The following INSYN2B variants were observed in gnomAD, a reference collection of about 807,000 sequenced individuals.
The protein encoded by INSYN2B is protein INSYN2B.
Under a neutral mutation model 41.2 loss-of-function variants are expected in INSYN2B, and 16 were observed. The observed-to-expected ratio is 0.39, with a 90% CI of 0.26 to 0.59. The LOEUF (loss-of-function observed/expected upper bound fraction) is 0.59, where lower values mean the gene tolerates loss of function less well. Ranked by LOEUF, INSYN2B falls within the 20% of genes least tolerant of loss-of-function variation. The probability of loss-of-function intolerance (pLI) is 0.57; values close to 1 mark genes in which losing one functional copy is unlikely to be tolerated. For missense variants in INSYN2B, 608 were observed against 646.4 expected, an observed-to-expected ratio of 0.94 and a Z score of 0.64; for synonymous variants, 245 against 244.4, an observed-to-expected ratio of 1.00 and a Z score of -0.02.
intron 1 of INSYN2B, among the ~76,000 whole-genome samples, chr5:169,927,534 T>C (rs769775557): frequency 2.6e-5 from 4 of 152,178 alleles, no homozygotes; most frequent in Non-Finnish European, 4.4e-5. Flanking sequence ...TAGTAACTGA[T>C]GGAGTGTAGG....
intron 1 of INSYN2B, among the ~76,000 whole-genome samples, chr5:169,947,177 G>A (rs1776484730): frequency 6.6e-6 from 1 of 152,222 alleles, no homozygotes; most frequent in African/African-American, 2.4e-5. Flanking sequence ...ATCAGTGATA[G>A]AGCTGTGATA....
chr5:169,866,883 G>A (rs1454863002), intron 3 of INSYN2B, among the ~76,000 whole-genome samples: 1 of 152,212 alleles, frequency 6.6e-6, no homozygotes, highest in Non-Finnish European at 1.5e-5. Flanking sequence ...GTGGCCACCA[G>A]TTGGGTGTCT....
At chr5:169,947,444 C>A (rs1359237306) in intron 1 of INSYN2B, among the ~76,000 whole-genome samples, 1 of 152,186 alleles carries the variant, frequency 6.6e-6, no homozygotes, top group Non-Finnish European at 1.5e-5. Flanking sequence ...AGGTAGACTT[C>A]ATTAGCCCTG....
intron 1 of INSYN2B, among the ~76,000 whole-genome samples, chr5:169,971,561 T>C (rs1314590998): frequency 1.3e-5 from 2 of 152,164 alleles, no homozygotes; most frequent in Non-Finnish European, 2.9e-5. Context: ...CCTCATAGGA[T>C]TTTTCTCATC....
intron 1 of INSYN2B, among the ~76,000 whole-genome samples, chr5:169,961,710 G>T (rs1467527292): frequency 6.6e-6 from 1 of 152,210 alleles, no homozygotes; most frequent in South Asian, 2.1e-4. Context: ...GGGTGCAGTG[G>T]CTCACGCCCG....
At chr5:169,954,840 A>C (rs2113732660) in intron 1 of INSYN2B, among the ~76,000 whole-genome samples, 1 of 152,362 alleles carries the variant, frequency 6.6e-6, no homozygotes, top group South Asian at 2.1e-4. Context: ...CCCAGGCTGC[A>C]AGTGTGTGTA....
At chr5:169,944,797 C>T (rs986565075) in intron 1 of INSYN2B, among the ~76,000 whole-genome samples, 17 of 152,212 alleles carry the variant, frequency 1.1e-4, no homozygotes, top group African/African-American at 3.1e-4. Flanking sequence ...CTGTGATGAT[C>T]GGAAAGCTGA....
intron 2 of INSYN2B, among the ~76,000 whole-genome samples, chr5:169,881,915 A>G (rs918254731): frequency 1.1e-4 from 17 of 152,218 alleles, no homozygotes; most frequent in Admixed American, 2.6e-4. Flanking sequence ...AGGGACGAGC[A>G]TTTCGCATCT....
intron 1 of INSYN2B, among the ~76,000 whole-genome samples, chr5:169,897,376 A>T (rs1289254190): frequency 6.6e-6 from 1 of 152,068 alleles, no homozygotes; most frequent in African/African-American, 2.4e-5. Context: ...TTTTAAGTAG[A>T]GACAGGATTT....
intron 3 of INSYN2B, among the ~76,000 whole-genome samples, chr5:169,871,819 A>T (rs927576933): frequency 6.6e-6 from 1 of 152,184 alleles, no homozygotes; most frequent in Admixed American, 6.5e-5. Context: ...GGACCAGCTG[A>T]CCAGTCCACC....
Position 169,942,840 on chromosome 5 carries a change from T to C in INSYN2B, c.-919+37437A>G, listed in dbSNP as rs1776296198. 2.0e-5 allele frequency among the ~76,000 whole-genome samples: 3 copies of C among 152,352 alleles called. No individual in the cohort carries two copies. The South Asian group carries it at 6.2e-4, about 32-fold the overall frequency. The stretch of plus-strand genomic sequence containing the variant: ...TCCAAGGCTTGGTCTGAACTCTTCC[T>C]TTCAGCCTTGACCACTGTGTGTGCT... On this transcript the variant is annotated intron_variant, in intron 1 of 3. Transcript: ENST00000377365.
chr5:169,873,288 C>A (rs1162826389), intron 3 of INSYN2B, among the ~76,000 whole-genome samples: 1 of 152,208 alleles, frequency 6.6e-6, no homozygotes, highest in South Asian at 2.1e-4. Flanking sequence ...CCTGTTGGGA[C>A]TCAGAGAAAT....
At chr5:169,923,556 A>G (rs1775289007) in intron 1 of INSYN2B, among the ~76,000 whole-genome samples, 1 of 152,176 alleles carries the variant, frequency 6.6e-6, no homozygotes, top group African/African-American at 2.4e-5. Context: ...CTGTAGGCCC[A>G]TATTCATTCC....
chr5:169,917,570 T>C (rs142521457), intron 1 of INSYN2B, among the ~76,000 whole-genome samples: 131 of 152,236 alleles, frequency 8.6e-4, no homozygotes, highest in African/African-American at 3.1e-3. Flanking sequence ...AAAATGAAAA[T>C]TGAATGTTGT....
At chr5:169,980,016 T>A (rs1033204876) in intron 1 of INSYN2B, among the ~76,000 whole-genome samples, 1 of 152,190 alleles carries the variant, frequency 6.6e-6, no homozygotes, top group African/African-American at 2.4e-5. Context: ...GGTTTGTTTT[T>A]CTTTGCTTTT....
At chr5:169,900,641 AG>A (rs1422080964) in intron 1 of INSYN2B, among the ~76,000 whole-genome samples, 2 of 152,224 alleles carry the variant, frequency 1.3e-5, no homozygotes, top group Non-Finnish European at 2.9e-5. Flanking sequence ...ACTTCTAATT[AG>A]AAGCTTCGAT....
chr5:169,941,279 C>G (rs990970505), intron 1 of INSYN2B, among the ~76,000 whole-genome samples: 1 of 152,182 alleles, frequency 6.6e-6, no homozygotes, highest in Non-Finnish European at 1.5e-5. Flanking sequence ...ATAATCTCGG[C>G]TCACTACAAC....
intron 1 of INSYN2B, among the ~76,000 whole-genome samples, chr5:169,932,278 G>T (rs1276490988): frequency 6.6e-6 from 1 of 152,162 alleles, no homozygotes; most frequent in Non-Finnish European, 1.5e-5. Flanking sequence ...CACTGAGTGA[G>T]GGGGACACTC....
intron 1 of INSYN2B, among the ~76,000 whole-genome samples, chr5:169,940,829 A>G (rs1776212484): frequency 6.6e-6 from 1 of 152,126 alleles, no homozygotes; most frequent in Non-Finnish European, 1.5e-5. Context: ...CTCGGTTCCT[A>G]CCTGGCCACA....
Sources: gnomAD v4.1 joint callset for allele counts (sites outside exome capture counted in the v4.1 genomes callset) on GRCh38, gnomAD v4.1.1 for gene constraint, MANE v1.5 for transcripts, NCBI Gene and HGNC (gene_info 2026-07-23, HGNC 2026-07-21) for gene names.